The following FRMPD4 variants were observed in gnomAD, a reference collection of about 807,000 sequenced individuals.
FRMPD4 encodes FERM and PDZ domain containing 4, also known as FERM and PDZ domain-containing protein 4.
Under a neutral mutation model 94.1 loss-of-function variants are expected in FRMPD4, and 22 were observed. That is an observed-to-expected ratio of 0.23 (90% confidence interval 0.17 to 0.33). The LOEUF is 0.33. Among genes scored for constraint, FRMPD4 ranks in the 10% least tolerant of loss-of-function variants. The pLI is 1.00. For synonymous variants in FRMPD4, 631 were observed against 548.6 expected, an observed-to-expected ratio of 1.15 and a Z score of -2.10; for missense variants, 1,111 against 1,339.9, an observed-to-expected ratio of 0.83 and a Z score of 2.67.
At chrX:12,412,887 G>T (rs1306127921) in intron 1 of FRMPD4, among the ~76,000 whole-genome samples, 2 of 111,690 alleles carry the variant, frequency 1.8e-5, no homozygotes, top group African/African-American at 6.5e-5. Context: ...CATCAACAAG[G>T]GTCCTGGTAG....
intron 3 of FRMPD4, among the ~76,000 whole-genome samples, chrX:11,898,696 A>G (rs1301709732): frequency 8.9e-6 from 1 of 112,567 alleles, no homozygotes; most frequent in African/African-American, 3.2e-5. Context: ...AAAAAAGAAA[A>G]AGATAATAGT....
chrX:12,258,340 A>T (rs187855992), intron 1 of FRMPD4, among the ~76,000 whole-genome samples: 87 of 110,493 alleles, frequency 7.9e-4, no homozygotes, highest in African/African-American at 2.7e-3. Flanking sequence ...TAGTTATTGC[A>T]GGAATGGGTT....
intron 1 of FRMPD4, among the ~76,000 whole-genome samples, chrX:12,166,221 T>A (rs146512594): frequency 0.071 from 7,956 of 111,922 alleles, 889 homozygotes; most frequent in East Asian, 0.6. Flanking sequence ...TTGAGATACA[T>A]TCCATCAATT....
chrX:12,232,408 G>A (rs1376568293), intron 1 of FRMPD4, among the ~76,000 whole-genome samples: 2 of 111,220 alleles, frequency 1.8e-5, no homozygotes, highest in African/African-American at 6.5e-5. Flanking sequence ...AGTGAAGGGG[G>A]AAGCCCTTGT....
intron 2 of FRMPD4, among the ~76,000 whole-genome samples, chrX:11,871,443 G>A (rs190554230): frequency 7.1e-5 from 8 of 112,280 alleles, no homozygotes; most frequent in Middle Eastern, 9.2e-3. Flanking sequence ...CTACCAGGGT[G>A]GCCACATTTG....
At chrX:12,104,666 T>C (rs758506824) in intron 3 of FRMPD4, among the ~76,000 whole-genome samples, 241 of 112,672 alleles carry the variant, frequency 2.1e-3, no homozygotes, top group Non-Finnish European at 3.8e-3. Context: ...GTCATATTTA[T>C]CTCTGAGAAT....
At chrX:11,889,375 A>T (rs2053862258) in intron 3 of FRMPD4, among the ~76,000 whole-genome samples, 1 of 112,273 alleles carries the variant, frequency 8.9e-6, no homozygotes, top group Non-Finnish European at 1.9e-5. Flanking sequence ...GTCCAGGAGC[A>T]TACTGAATGT....
Position 11,925,392 on chromosome X carries a change from C to T in FRMPD4, c.95+47374C>T, listed in dbSNP as rs12844117. ...GGACGTTCAGGACCTAGACTCAGCA[C>T]GGGATCAAATGGACCTGATATCTAC... is the stretch of plus-strand genomic sequence containing the variant. On this transcript the variant is annotated intron_variant, in intron 3 of 18. Coordinates refer to the FRMPD4 transcript ENST00000640291. Among the ~76,000 whole-genome samples, 23 of 111,526 alleles carry T rather than the reference C, an allele frequency of 2.1e-4. 1 individual carries two copies. Among genetic ancestry groups the T allele is most frequent in the Non-Finnish European group, 3.2e-4 (17 of 53,049 alleles).
At chrX:11,873,704 GC>G (rs1173400308) in intron 2 of FRMPD4, among the ~76,000 whole-genome samples, 2 of 102,955 alleles carry the variant, frequency 1.9e-5, no homozygotes, top group African/African-American at 7.0e-5. Flanking sequence ...AATCCAGCAG[GC>G]TTTTTTTTTT....
chrX:12,581,194 TTC>T (rs1257581047), intron 2 of FRMPD4, among the ~76,000 whole-genome samples: 1 of 112,321 alleles, frequency 8.9e-6, no homozygotes, highest in East Asian at 2.8e-4. Context: ...TTGATTGAAA[TTC>T]TGTTATGTTT....
intron 1 of FRMPD4, among the ~76,000 whole-genome samples, chrX:12,207,563 G>T (rs1053305363): frequency 1.8e-5 from 2 of 109,434 alleles, no homozygotes; most frequent in Admixed American, 2.0e-4. Context: ...AACTATAAGG[G>T]ATATGGCTCT....
intron 1 of FRMPD4, among the ~76,000 whole-genome samples, chrX:12,275,454 C>T (rs1340937273): frequency 2.7e-5 from 3 of 111,092 alleles, no homozygotes; most frequent in Non-Finnish European, 1.9e-5. Flanking sequence ...AACACAAGAA[C>T]AACCTAATAC....
At chrX:12,357,875 C>T (rs967906130) in intron 1 of FRMPD4, among the ~76,000 whole-genome samples, 2 of 111,988 alleles carry the variant, frequency 1.8e-5, no homozygotes, top group African/African-American at 6.5e-5. Flanking sequence ...ATCCCTTTTG[C>T]TCATTTTCAG....
chrX:11,963,360 TG>T (rs1308852934), intron 3 of FRMPD4, among the ~76,000 whole-genome samples: 1 of 112,189 alleles, frequency 8.9e-6, no homozygotes, highest in Non-Finnish European at 1.9e-5. Context: ...TTATCTTATA[TG>T]GCATAGACGA....
chrX:12,440,538 G>A (rs749744761), intron 1 of FRMPD4, among the ~76,000 whole-genome samples: 3 of 111,631 alleles, frequency 2.7e-5, no homozygotes, highest in Non-Finnish European at 5.6e-5. Context: ...GGGGAAGCTG[G>A]ACTTTGATAT....
intron 1 of FRMPD4, 128 bp from the exon 2 acceptor site, chrX:12,498,552 T>C (rs1360633686): frequency 1.8e-6 from 1 of 547,212 alleles, no homozygotes; most frequent in Non-Finnish European, 3.3e-6. Flanking sequence ...GTGTCGATTT[T>C]TGTTGCAACG....
chrX:12,134,405 C>T (rs1379059201), upstream of FRMPD4, among the ~76,000 whole-genome samples: 4 of 112,270 alleles, frequency 3.6e-5, no homozygotes, highest in Middle Eastern at 4.2e-3. Flanking sequence ...ACATGGGAGA[C>T]ACTCCATAAA....
At chrX:12,523,942 G>T (rs1179314813) in intron 2 of FRMPD4, among the ~76,000 whole-genome samples, 1 of 111,066 alleles carries the variant, frequency 9.0e-6, no homozygotes. Flanking sequence ...ATCTCTTGAG[G>T]CCAGGAGTTC....
At chrX:12,518,291 A>G (rs768118640) in intron 2 of FRMPD4, among the ~76,000 whole-genome samples, 48 of 111,972 alleles carry the variant, frequency 4.3e-4, no homozygotes, top group Admixed American at 3.2e-3. Context: ...TTGGGACCCA[A>G]GGCCCTGGTG....
Sources: allele counts gnomAD v4.1 joint callset (sites outside exome capture counted in the v4.1 genomes callset), GRCh38; gene constraint gnomAD v4.1.1; transcripts MANE v1.5; gene names NCBI Gene and HGNC (gene_info 2026-07-23, HGNC 2026-07-21).